Variants in ARHGAP15 observed in about 807,000 individuals in gnomAD.
ARHGAP15 encodes the protein Rho GTPase activating protein 15, also known as rho GTPase-activating protein 15.
Under a neutral mutation model 63.7 loss-of-function variants are expected in ARHGAP15, and 51 were observed. The ratio of observed to expected loss-of-function variants is 0.80; its 90% confidence interval spans 0.64 to 1.01. The LOEUF is 1.01. Ranked by LOEUF, ARHGAP15 falls within the 50% of genes least tolerant of loss-of-function variation. ARHGAP15 has a pLI of 0.00. For synonymous variants in ARHGAP15, 191 were observed against 193.8 expected (o/e 0.99, Z 0.12); for missense variants, 560 against 564.6 (o/e 0.99, Z 0.08).
Position 143,134,912 on chromosome 2 carries a change from C to T in ARHGAP15, c.-15+5446C>T, listed in dbSNP as rs183481151. ...TTGACCTCCCAAAGTGCTGGGATTACAGGCGTGAGAGCGCGCCCAGCCTAA... is the reference window on the plus strand; with the variant it reads ...TTGACCTCCCAAAGTGCTGGGATTATAGGCGTGAGAGCGCGCCCAGCCTAA... On this transcript the variant is annotated intron_variant, in intron 1 of 13. Transcript: ENST00000295095. Among the ~76,000 whole-genome samples the T allele has an allele frequency of 2.0e-3, 299 of 152,260 alleles. 2 individuals are homozygous for T. The highest frequency in any genetic ancestry group is 6.9e-3 in the African/African-American group (285 of 41,552).
chr2:143,410,677 TA>T (rs2105021210), intron 6 of ARHGAP15, among the ~76,000 whole-genome samples: 1 of 151,904 alleles, frequency 6.6e-6, no homozygotes, highest in Non-Finnish European at 1.5e-5. Flanking sequence ...GGCAGAAAAA[TA>T]AAATATGTAG....
intron 1 of ARHGAP15, 147 bp from the exon 2 acceptor site, chr2:143,155,330 A>G: frequency 2.9e-6 from 2 of 690,732 alleles, no homozygotes; most frequent in Non-Finnish European, 2.2e-6. Context: ...CTTACAAAGG[A>G]ACTACTTTTT....
At chr2:143,245,296 A>G (rs1406614994) in intron 5 of ARHGAP15, among the ~76,000 whole-genome samples, 4 of 152,214 alleles carry the variant, frequency 2.6e-5, no homozygotes, top group African/African-American at 9.6e-5. Flanking sequence ...AGGGAAGAGT[A>G]TAAAAGGTGA....
intron 5 of ARHGAP15, chr2:143,236,196 T>C (rs936766288): frequency 1.6e-5 from 7 of 430,172 alleles, no homozygotes; most frequent in Non-Finnish European, 2.8e-5. Context: ...TAGTATATGA[T>C]CCCTGCTCTT....
At position 143,363,457 on chromosome 2, in the gene ARHGAP15, T is replaced by C. The variant is rs534338700; in HGVS notation, c.475-72144T>C. On this transcript the variant is annotated intron_variant, in intron 6 of 13. Coordinates refer to ENST00000295095, the MANE Select transcript of ARHGAP15 (RefSeq NM_018460.4). ...TTACAGTGAGCCGAGATTGAGCCAC[T>C]GCACTCTGGCCTGGATAACAGAGCA... Among the ~76,000 whole-genome samples the C allele has an allele frequency of 7.7e-4, 117 of 152,232 alleles. 4 individuals carry two copies. The South Asian group carries it at 0.022, about 29-fold the overall frequency.
intron 6 of ARHGAP15, among the ~76,000 whole-genome samples, chr2:143,428,491 T>C (rs1689227957): frequency 6.6e-6 from 1 of 151,788 alleles, no homozygotes; most frequent in African/African-American, 2.4e-5. Flanking sequence ...ATATATAGTA[T>C]GGACTTGAAG....
intron 6 of ARHGAP15, among the ~76,000 whole-genome samples, chr2:143,286,016 A>G (rs1285578618): frequency 6.6e-6 from 1 of 152,240 alleles, no homozygotes; most frequent in Non-Finnish European, 1.5e-5. Context: ...GCACAAAATT[A>G]TGAAAGAAGA....
chr2:143,347,327 G>A (rs1426939427), intron 6 of ARHGAP15, among the ~76,000 whole-genome samples: 1 of 152,124 alleles, frequency 6.6e-6, no homozygotes, highest in Non-Finnish European at 1.5e-5. Flanking sequence ...AACGTGATTC[G>A]TCGCTAAATG....
rs1478189501 is a variant in ARHGAP15 at position 143,576,946 on chromosome 2, CTA to C, written c.1003+20463_1003+20464del. 3.9e-5 allele frequency among the ~76,000 whole-genome samples: 6 copies of C among 152,128 alleles called. No individual in the cohort carries two copies. The South Asian group carries it at 8.3e-4, about 21-fold the overall frequency. On this transcript the variant is annotated intron_variant, in intron 11 of 13. Coordinates refer to ENST00000295095, the MANE Select transcript of ARHGAP15 (RefSeq NM_018460.4). ...TGATTTTAGCTGATGACCATATAGA[CTA>C]TCTTTCTGTCTACAAAGCTGTCATC...
intron 12 of ARHGAP15, among the ~76,000 whole-genome samples, chr2:143,629,492 T>C (rs1456307415): frequency 6.6e-6 from 1 of 152,162 alleles, no homozygotes; most frequent in African/African-American, 2.4e-5. Context: ...GGGAGTTTTA[T>C]GATAGGTGAT....
chr2:143,542,071 C>A (rs546366861), intron 10 of ARHGAP15, among the ~76,000 whole-genome samples: 3 of 152,234 alleles, frequency 2.0e-5, no homozygotes, highest in Admixed American at 2.0e-4. Context: ...CAAGCCTGAG[C>A]AATTGCGGGC....
intron 5 of ARHGAP15, among the ~76,000 whole-genome samples, chr2:143,235,252 T>TTTC: frequency 6.6e-6 from 1 of 151,844 alleles, no homozygotes; most frequent in East Asian, 1.9e-4. Context: ...GTTTTTTTTT[T>TTTC]TTTTTCCACT....
intron 6 of ARHGAP15, among the ~76,000 whole-genome samples, chr2:143,396,357 CTG>C (rs1330237743): frequency 6.6e-6 from 1 of 152,072 alleles, no homozygotes; most frequent in East Asian, 1.9e-4. Flanking sequence ...AGCATCTTCT[CTG>C]TGCCATAACT....
chr2:143,657,214 G>T (rs903771318), intron 12 of ARHGAP15, among the ~76,000 whole-genome samples: 1 of 152,110 alleles, frequency 6.6e-6, no homozygotes, highest in African/African-American at 2.4e-5. Context: ...GGGCGTTGCG[G>T]CTGGCGCTTG....
At chr2:143,667,918 G>T (rs181150402) in intron 12 of ARHGAP15, among the ~76,000 whole-genome samples, 2 of 152,268 alleles carry the variant, frequency 1.3e-5, no homozygotes, top group East Asian at 3.9e-4. Context: ...AACCCAGGAA[G>T]TTGAGGCTGC....
At chr2:143,546,456 A>T (rs1290267639) in intron 10 of ARHGAP15, among the ~76,000 whole-genome samples, 10 of 148,494 alleles carry the variant, frequency 6.7e-5, no homozygotes, top group Admixed American at 6.7e-5. Context: ...TGCTAAAATT[A>T]AAAAAAAAAG....
intron 5 of ARHGAP15, chr2:143,236,545 T>C (rs1056463022): frequency 6.6e-6 from 1 of 152,142 alleles, no homozygotes; most frequent in Non-Finnish European, 1.5e-5. Context: ...GAAATGGATG[T>C]TGGTAGTTGT....
At chr2:143,521,714 G>A (rs1324755903) in intron 10 of ARHGAP15, among the ~76,000 whole-genome samples, 2 of 152,132 alleles carry the variant, frequency 1.3e-5, no homozygotes, top group Admixed American at 6.6e-5. Context: ...TACTCTCACA[G>A]TCTTAGGGAA....
intron 6 of ARHGAP15, among the ~76,000 whole-genome samples, chr2:143,322,317 G>A (rs1684060367): frequency 6.6e-6 from 1 of 152,072 alleles, no homozygotes; most frequent in South Asian, 2.1e-4. Flanking sequence ...TGCTTTCTTA[G>A]CATAAATAAG....
Sources: gnomAD v4.1 joint callset for allele counts (sites outside exome capture counted in the v4.1 genomes callset) on GRCh38, gnomAD v4.1.1 for gene constraint, MANE v1.5 for transcripts, NCBI Gene and HGNC (gene_info 2026-07-23, HGNC 2026-07-21) for gene names.